Variants in TRPC4 observed in about 807,000 individuals in gnomAD.
TRPC4 encodes short transient receptor potential channel 4.
A neutral mutation model predicts 99.4 loss-of-function variants in TRPC4; 49 were observed. That is an observed-to-expected ratio of 0.49 (90% confidence interval 0.39 to 0.63). The LOEUF (loss-of-function observed/expected upper bound fraction) is 0.63, where lower values mean the gene tolerates loss of function less well. TRPC4 is among the 20% of genes least tolerant of loss of function. The pLI, the probability that TRPC4 is intolerant of heterozygous loss-of-function variation, is 0.00. For missense variants in TRPC4, 898 were observed against 1,152.9 expected (o/e 0.78, Z 3.20); for synonymous variants, 454 against 425.9 (o/e 1.07, Z -0.81).
intron 9 of TRPC4, 37 bp from the exon 10 acceptor site, chr13:37,639,166 GA>G: frequency 1.2e-6 from 2 of 1,612,516 alleles, no homozygotes; most frequent in Non-Finnish European, 8.5e-7. Context: ...GATACTCAAT[GA>G]GTAAATAAAT....
At chr13:37,712,563 G>C (rs925066373) in intron 3 of TRPC4, among the ~76,000 whole-genome samples, 1 of 152,138 alleles carries the variant, frequency 6.6e-6, no homozygotes, top group African/African-American at 2.4e-5. Context: ...TTATCAGTCA[G>C]TAACGTTTCT....
intron 3 of TRPC4, among the ~76,000 whole-genome samples, chr13:37,709,154 A>G (rs1954386678): frequency 6.6e-6 from 1 of 151,928 alleles, no homozygotes; most frequent in Non-Finnish European, 1.5e-5. Context: ...GTTCTTCACT[A>G]TATCACTGCA....
chr13:37,745,460 A>ACGCG (rs1555265755), intron 3 of TRPC4, among the ~76,000 whole-genome samples: 1 of 4,924 alleles, frequency 2.0e-4, no homozygotes, highest in African/African-American at 4.3e-4. Flanking sequence ...ATATATATAT[A>ACGCG]TATATATATA....
chr13:37,745,457 T>TATATATATATATATATATGC (rs1955720754), intron 3 of TRPC4, among the ~76,000 whole-genome samples: 2 of 8,046 alleles, frequency 2.5e-4, no homozygotes, highest in East Asian at 5.2e-3. Context: ...TATATATATA[T>TATATATATATATATATATGC]ATATATATAT....
intron 3 of TRPC4, among the ~76,000 whole-genome samples, chr13:37,712,408 C>G (rs779038071): frequency 6.6e-6 from 1 of 152,118 alleles, no homozygotes; most frequent in Non-Finnish European, 1.5e-5. Flanking sequence ...ATTTCTGTTC[C>G]TAGGATGGAC....
intron 5 of TRPC4, among the ~76,000 whole-genome samples, chr13:37,664,767 A>G (rs1952580493): frequency 6.6e-6 from 1 of 151,866 alleles, no homozygotes; most frequent in Non-Finnish European, 1.5e-5. Context: ...GTCCCACATA[A>G]TGTTTTTTAT....
At chr13:37,664,644 A>C (rs1256497785) in intron 5 of TRPC4, among the ~76,000 whole-genome samples, 1 of 152,194 alleles carries the variant, frequency 6.6e-6, no homozygotes, top group Admixed American at 6.5e-5. Flanking sequence ...TTAAATCTGT[A>C]TTAGAACTGA....
intron 1 of TRPC4, among the ~76,000 whole-genome samples, chr13:37,848,591 G>T (rs1210588826): frequency 6.6e-6 from 1 of 152,118 alleles, no homozygotes. Context: ...CAGAATCGGA[G>T]CAAAGTAGGT....
At chr13:37,639,336 G>A in intron 8 of TRPC4, 37 bp from the exon 9 acceptor site, 4 of 1,571,894 alleles carry the variant, frequency 2.5e-6, no homozygotes, top group Non-Finnish European at 3.5e-6. Flanking sequence ...TGGTTATACT[G>A]TTATATTACT....
intron 1 of TRPC4, among the ~76,000 whole-genome samples, chr13:37,804,599 T>G (rs1269029621): frequency 6.6e-6 from 1 of 152,170 alleles, no homozygotes; most frequent in Non-Finnish European, 1.5e-5. Flanking sequence ...CATGTCTCAC[T>G]TTGTGAATCT....
At chr13:37,858,447 T>C (rs1398887587) in intron 1 of TRPC4, among the ~76,000 whole-genome samples, 1 of 149,054 alleles carries the variant, frequency 6.7e-6, no homozygotes, top group Middle Eastern at 3.3e-3. Flanking sequence ...ATAAAACGTA[T>C]CAGTATATCG....
chr13:37,683,480 C>T (rs1489495969), intron 4 of TRPC4, among the ~76,000 whole-genome samples: 3 of 152,088 alleles, frequency 2.0e-5, no homozygotes, highest in South Asian at 2.1e-4. Context: ...GGATTGACTG[C>T]TGGTTACAGG....
chr13:37,846,953 A>C (rs1958923204), intron 1 of TRPC4, among the ~76,000 whole-genome samples: 1 of 152,108 alleles, frequency 6.6e-6, no homozygotes, highest in East Asian at 1.9e-4. Flanking sequence ...TTATTTTTAA[A>C]AGACAAAAAG....
chr13:37,641,337 A>G (rs764122621), intron 8 of TRPC4, among the ~76,000 whole-genome samples: 4 of 152,224 alleles, frequency 2.6e-5, no homozygotes, highest in Non-Finnish European at 5.9e-5. Flanking sequence ...TTCAGTTTAT[A>G]TAGTCCAGGT....
intron 2 of TRPC4, among the ~76,000 whole-genome samples, chr13:37,753,163 T>C (rs1419178526): frequency 6.6e-6 from 1 of 151,980 alleles, no homozygotes; most frequent in African/African-American, 2.4e-5. Context: ...GAACTAGCAA[T>C]GTAAAACAGT....
intron 3 of TRPC4, among the ~76,000 whole-genome samples, chr13:37,724,537 G>T (rs908231816): frequency 4.6e-5 from 7 of 152,104 alleles, no homozygotes; most frequent in African/African-American, 1.4e-4. Context: ...TTATAATTAT[G>T]AAGTTCTAGG....
intron 1 of TRPC4, among the ~76,000 whole-genome samples, chr13:37,803,412 ATTTT>A (rs1019718422): frequency 1.3e-5 from 2 of 151,480 alleles, no homozygotes; most frequent in African/African-American, 4.9e-5. Context: ...GAGACACATT[ATTTT>A]TTTTCCCATC....
At chr13:37,766,329 T>C (rs1166394843) in intron 2 of TRPC4, among the ~76,000 whole-genome samples, 1 of 151,448 alleles carries the variant, frequency 6.6e-6, no homozygotes, top group Non-Finnish European at 1.5e-5. Context: ...CATGTGGATG[T>C]ATAGAGAATG....
At chr13:37,649,690 C>T (rs951850791) in intron 8 of TRPC4, among the ~76,000 whole-genome samples, 2 of 126,794 alleles carry the variant, frequency 1.6e-5, no homozygotes, top group African/African-American at 6.1e-5. Context: ...CGCGATCATG[C>T]CACTGCACTT....
Sources: allele counts gnomAD v4.1 joint callset (sites outside exome capture counted in the v4.1 genomes callset), GRCh38; gene constraint gnomAD v4.1.1; transcripts MANE v1.5; gene names NCBI Gene and HGNC (gene_info 2026-07-23, HGNC 2026-07-21).